Variants in GALNT13 observed in about 807,000 individuals in gnomAD.
GALNT13 encodes UDP-GalNAc:polypeptide N-acetylgalactosaminyltransferase 13.
GALNT13 carries 28 observed loss-of-function variants against 64.2 expected under a neutral mutation model. The observed-to-expected ratio is 0.44, with a 90% confidence interval of 0.32 to 0.60. GALNT13 has a LOEUF of 0.60. GALNT13 is among the 20% of genes least tolerant of loss of function. The pLI is 0.05. For synonymous variants in GALNT13, 214 were observed against 224.6 expected (o/e 0.95, Z 0.42); for missense variants, 577 against 669.8 (o/e 0.86, Z 1.53).
chr2:153,505,387 T>C, the GALNT13 span, among the ~76,000 whole-genome samples: 1 of 152,302 alleles, frequency 6.6e-6, no homozygotes, highest in South Asian at 2.1e-4. Context: ...TTCTCTGCTC[T>C]GATCTTTGTC....
chr2:154,444,182 A>G (rs1042982037), intron 12 of GALNT13, among the ~76,000 whole-genome samples: 4 of 152,090 alleles, frequency 2.6e-5, no homozygotes, highest in Non-Finnish European at 5.9e-5. Context: ...TCTAAAACAA[A>G]ACAAAAGTAG....
At chr2:154,093,193 CATTT>C (rs2105444287) in intron 3 of GALNT13, among the ~76,000 whole-genome samples, 1 of 151,938 alleles carries the variant, frequency 6.6e-6, no homozygotes, top group Admixed American at 6.6e-5. Flanking sequence ...GGTGAATATT[CATTT>C]TAAACTGTAT....
rs190221855 is a variant in GALNT13, at chr2:153,957,817, G to A, written c.142+13178G>A. 1.2e-4 allele frequency among the ~76,000 whole-genome samples: 19 copies of A among 152,156 alleles called. No homozygotes were observed. The East Asian group carries it at 3.7e-3, about 29-fold the overall frequency. ...TTCTCTAACTGTGTCGTAATTGACT[G>A]GCTTACCCATATACTTTTTCCTTTG... On this transcript the variant is annotated intron_variant, in intron 3 of 12. Coordinates refer to ENST00000392825, the MANE Select transcript of GALNT13 (RefSeq NM_052917.4).
intron 3 of GALNT13, among the ~76,000 whole-genome samples, chr2:154,045,523 C>G (rs1358950868): frequency 6.6e-6 from 1 of 152,140 alleles, no homozygotes; most frequent in Non-Finnish European, 1.5e-5. Context: ...CTTCAGTCAT[C>G]TTTCCATTTC....
the GALNT13 span, among the ~76,000 whole-genome samples, chr2:153,733,163 C>G: frequency 1.3e-5 from 2 of 152,194 alleles, no homozygotes; most frequent in Non-Finnish European, 1.5e-5. Flanking sequence ...AAAATAAACC[C>G]TTGTTTGTTT....
At chr2:153,642,347 ATATTT>A in the GALNT13 span, among the ~76,000 whole-genome samples, 1 of 151,830 alleles carries the variant, frequency 6.6e-6, no homozygotes, top group South Asian at 2.1e-4. Flanking sequence ...TTCTAATACT[ATATTT>A]TATTTATAAG....
At chr2:153,111,695 T>C in the GALNT13 span, among the ~76,000 whole-genome samples, 1 of 152,084 alleles carries the variant, frequency 6.6e-6, no homozygotes, top group African/African-American at 2.4e-5. Flanking sequence ...AATTACTCTC[T>C]AAAAGTAAGT....
chr2:154,299,925 T>C (rs1693331571), intron 8 of GALNT13, among the ~76,000 whole-genome samples: 1 of 152,012 alleles, frequency 6.6e-6, no homozygotes, highest in Non-Finnish European at 1.5e-5. Context: ...TAGATTTACA[T>C]GAAATGCACA....
At chr2:154,431,111 C>G (rs1334261621) in intron 11 of GALNT13, among the ~76,000 whole-genome samples, 1 of 151,938 alleles carries the variant, frequency 6.6e-6, no homozygotes, top group African/African-American at 2.4e-5. Flanking sequence ...TGTGTATATG[C>G]ATGTACATAC....
intron 8 of GALNT13, among the ~76,000 whole-genome samples, chr2:154,300,612 C>CTATAT (rs1382829698): frequency 4.6e-5 from 7 of 151,372 alleles, no homozygotes; most frequent in Non-Finnish European, 1.0e-4. Context: ...TGTGTGTATG[C>CTATAT]ACATATATAG....
chr2:153,566,168 T>G, the GALNT13 span, among the ~76,000 whole-genome samples: 1 of 152,148 alleles, frequency 6.6e-6, no homozygotes, highest in Non-Finnish European at 1.5e-5. Context: ...ATTCTTTATT[T>G]GGAAAATATT....
chr2:154,247,485 T>C (rs919312854), intron 7 of GALNT13, among the ~76,000 whole-genome samples: 1 of 152,060 alleles, frequency 6.6e-6, no homozygotes, highest in Admixed American at 6.6e-5. Context: ...TAAGAAGGCA[T>C]GTTTATACTC....
At chr2:153,145,500 C>T in the GALNT13 span, among the ~76,000 whole-genome samples, 1 of 151,780 alleles carries the variant, frequency 6.6e-6, no homozygotes, top group African/African-American at 2.4e-5. Flanking sequence ...AAAGTTGAAG[C>T]CTTGAAAAAT....
intron 1 of GALNT13, among the ~76,000 whole-genome samples, chr2:153,897,508 G>A (rs1051957394): frequency 6.6e-6 from 1 of 152,060 alleles, no homozygotes; most frequent in African/African-American, 2.4e-5. Flanking sequence ...TGATCAATTT[G>A]TTAAGGTGGT....
At chr2:153,739,589 TTTA>T in the GALNT13 span, among the ~76,000 whole-genome samples, 15 of 119,668 alleles carry the variant, frequency 1.3e-4, no homozygotes, top group East Asian at 1.6e-3. Context: ...CATTATTTTA[TTTA>T]TTTATTTATT....
chr2:154,351,400 C>T (rs1696390713), intron 9 of GALNT13, among the ~76,000 whole-genome samples: 1 of 151,896 alleles, frequency 6.6e-6, no homozygotes, highest in Non-Finnish European at 1.5e-5. Context: ...GACCAGAGCT[C>T]TGGCCGGGCA....
chr2:153,412,459 T>G, the GALNT13 span, among the ~76,000 whole-genome samples: 1 of 152,202 alleles, frequency 6.6e-6, no homozygotes, highest in Non-Finnish European at 1.5e-5. Flanking sequence ...TGTGGACTGT[T>G]TTGTTCCAAG....
At chr2:154,031,780 TGAAAG>T (rs1397310822) in intron 3 of GALNT13, among the ~76,000 whole-genome samples, 1 of 151,872 alleles carries the variant, frequency 6.6e-6, no homozygotes, top group Non-Finnish European at 1.5e-5. Flanking sequence ...TGAATAGACT[TGAAAG>T]GATAAATAGA....
intron 3 of GALNT13, among the ~76,000 whole-genome samples, chr2:153,984,092 A>C (rs937828389): frequency 1.3e-5 from 2 of 151,784 alleles, no homozygotes; most frequent in African/African-American, 4.8e-5. Flanking sequence ...TTATTTATAG[A>C]AGCTACAACT....
Sources: gnomAD v4.1 joint callset for allele counts (sites outside exome capture counted in the v4.1 genomes callset) on GRCh38, gnomAD v4.1.1 for gene constraint, MANE v1.5 for transcripts, NCBI Gene and HGNC (gene_info 2026-07-23, HGNC 2026-07-21) for gene names.